Variants in HS6ST2 observed in about 807,000 individuals in gnomAD.
HS6ST2 encodes the protein heparan-sulfate 6-O-sulfotransferase 2.
Under a neutral mutation model 33.0 loss-of-function variants are expected in HS6ST2, and 17 were observed. The ratio of observed to expected loss-of-function variants is 0.52; its 90% confidence interval spans 0.35 to 0.77. The LOEUF (loss-of-function observed/expected upper bound fraction) is 0.77, where lower values mean the gene tolerates loss of function less well. Ranked by LOEUF, HS6ST2 falls within the 30% of genes least tolerant of loss-of-function variation. The pLI is 0.01. For missense variants in HS6ST2, 519 were observed against 551.7 expected (o/e 0.94, Z 0.59); for synonymous variants, 248 against 237.1 (o/e 1.05, Z -0.42).
chrX:132,812,446 A>AT lies in HS6ST2; in HGVS notation c.948-103953_948-103952insA, dbSNP rs1556452678. Among the ~76,000 whole-genome samples the AT allele has an allele frequency of 1.0e-4, 8 of 77,952 alleles. No individual in the cohort carries two copies. The East Asian group carries it at 1.3e-3, about 12-fold the overall frequency. 67.7% of individuals were successfully genotyped at this position (77,952 alleles called of 115,157 possible). A position where few individuals can be genotyped will look rare whatever the true frequency, so the allele number is the denominator to read the frequency against. On this transcript the variant is annotated intron_variant, in intron 2 of 4. Transcript: ENST00000370833. ...AATAATAATAATAATAATAATAATAAAATAATAATAATAATGGCCATCCTA... is the reference window on the plus strand; with the variant it reads ...AATAATAATAATAATAATAATAATAATAATAATAATAATAATGGCCATCCTA...
At chrX:132,783,897 C>T (rs1344496403) in intron 2 of HS6ST2, among the ~76,000 whole-genome samples, 2 of 111,652 alleles carry the variant, frequency 1.8e-5, no homozygotes, top group Non-Finnish European at 3.8e-5. Context: ...GTAATGAAGG[C>T]AAGCAATTCT....
At chrX:132,891,380 A>T (rs866143003) in intron 2 of HS6ST2, among the ~76,000 whole-genome samples, 7 of 99,335 alleles carry the variant, frequency 7.0e-5, no homozygotes, top group Admixed American at 4.3e-4. Context: ...AGTTTTTTTT[A>T]TTTTTTTTTT....
intron 3 of HS6ST2, among the ~76,000 whole-genome samples, chrX:132,683,046 C>A (rs1161516730): frequency 9.0e-6 from 1 of 111,051 alleles, no homozygotes; most frequent in African/African-American, 3.3e-5. Flanking sequence ...CCAGGTAGGT[C>A]AAGGCTGCAG....
At chrX:132,714,705 T>G (rs1234919058) in intron 2 of HS6ST2, among the ~76,000 whole-genome samples, 1 of 110,997 alleles carries the variant, frequency 9.0e-6, no homozygotes, top group Non-Finnish European at 1.9e-5. Flanking sequence ...AGCAGAGACT[T>G]AAACAAAAAC....
intron 2 of HS6ST2, among the ~76,000 whole-genome samples, chrX:132,713,083 C>G (rs565580974): frequency 9.0e-6 from 1 of 110,726 alleles, no homozygotes; most frequent in Non-Finnish European, 1.9e-5. Flanking sequence ...AAGTATAATG[C>G]CTACACTGGT....
chrX:132,884,111 A>C (rs1295184512), intron 2 of HS6ST2, among the ~76,000 whole-genome samples: 3 of 111,408 alleles, frequency 2.7e-5, no homozygotes, highest in African/African-American at 9.8e-5. Context: ...GGAAGTACGA[A>C]GGAGAATTGC....
chrX:132,759,622 C>T (rs759818009), intron 2 of HS6ST2, among the ~76,000 whole-genome samples: 1 of 111,195 alleles, frequency 9.0e-6, no homozygotes, highest in African/African-American at 3.3e-5. Context: ...TCACTAAATG[C>T]CACTGAATAG....
rs188928767 is a variant in HS6ST2, at chrX:132,920,620, C to T, written c.947+36188G>A. ...ATTTAAAAGAAAAAAAACAGTGAGG[C>T]ATCTTATCTGCCAGAGACTCTGAAA... On this transcript the variant is annotated intron_variant, in intron 2 of 4. Transcript: ENST00000370833. 1.2e-4 allele frequency among the ~76,000 whole-genome samples: 13 copies of T among 112,553 alleles called. No homozygotes were observed. In the East Asian group the frequency reaches 3.6e-3, roughly 32 times the overall value.
chrX:132,671,137 C>T (rs777680529), intron 3 of HS6ST2, among the ~76,000 whole-genome samples: 2 of 112,624 alleles, frequency 1.8e-5, no homozygotes, highest in Non-Finnish European at 3.8e-5. Context: ...GACCTGAGAC[C>T]AGGGACCATC....
intron 2 of HS6ST2, among the ~76,000 whole-genome samples, chrX:132,803,521 GC>G: frequency 8.9e-6 from 1 of 111,770 alleles, no homozygotes; most frequent in East Asian, 2.8e-4. Flanking sequence ...CGATTCTCGT[GC>G]CTTAGCCTCC....
rs370754933 is a variant in HS6ST2 at position 132,708,448 on chromosome X, A to G, written c.980+14T>C. On this transcript the variant is annotated intron_variant, in intron 3 of 4. Transcript: ENST00000370833. Reference sequence around the variant, plus strand: ...ACTTGGGTTCAGTCAAACTAAAAATACATTGTTACTTACCTTGCTGCATCT... The same window carrying G: ...ACTTGGGTTCAGTCAAACTAAAAATGCATTGTTACTTACCTTGCTGCATCT... The G allele has an allele frequency of 1.7e-5, 20 of 1,150,372 alleles. No homozygotes were observed. The African/African-American group carries it at 3.1e-4, about 18-fold the overall frequency. 94.8% of individuals were successfully genotyped at this position (1,150,372 alleles called of 1,213,427 possible).
chrX:132,836,736 T>C (rs1304413254), intron 2 of HS6ST2, among the ~76,000 whole-genome samples: 1 of 112,740 alleles, frequency 8.9e-6, no homozygotes, highest in Non-Finnish European at 1.9e-5. Flanking sequence ...GCATACTACA[T>C]GGCAGATTCT....
chrX:132,825,196 C>A (rs2065505454), intron 2 of HS6ST2, among the ~76,000 whole-genome samples: 1 of 111,279 alleles, frequency 9.0e-6, no homozygotes, highest in African/African-American at 3.3e-5. Context: ...GGGCCTTGAA[C>A]TAAAAGGTCT....
chrX:132,629,164 C>T, intron 4 of HS6ST2, 71 bp from the exon 5 acceptor site: 6 of 1,074,599 alleles, frequency 5.6e-6, no homozygotes, highest in Non-Finnish European at 5.0e-6. Flanking sequence ...AGGTACATGG[C>T]ATATGTGGTG....
At chrX:132,635,647 T>C (rs1351793698) in intron 4 of HS6ST2, among the ~76,000 whole-genome samples, 3 of 110,719 alleles carry the variant, frequency 2.7e-5, no homozygotes, top group Non-Finnish European at 5.7e-5. Context: ...TGGGGATATT[T>C]TGGTTGTAAT....
intron 2 of HS6ST2, among the ~76,000 whole-genome samples, chrX:132,796,842 C>T (rs2065184927): frequency 8.9e-6 from 1 of 112,437 alleles, no homozygotes; most frequent in Admixed American, 9.4e-5. Context: ...GCCAATTACC[C>T]CCTATTTCAT....
chrX:132,805,247 T>C (rs2065270425), intron 2 of HS6ST2, among the ~76,000 whole-genome samples: 1 of 111,887 alleles, frequency 8.9e-6, no homozygotes, highest in Non-Finnish European at 1.9e-5. Flanking sequence ...TGTGGTCTTC[T>C]GGTGGTACGC....
At chrX:132,910,608 G>C (rs980279624) in intron 2 of HS6ST2, among the ~76,000 whole-genome samples, 2 of 111,918 alleles carry the variant, frequency 1.8e-5, no homozygotes, top group Admixed American at 1.9e-4. Context: ...AATTGTATTA[G>C]AAAGAAGAAT....
chrX:132,934,883 A>T (rs745334490), intron 2 of HS6ST2, among the ~76,000 whole-genome samples: 1 of 111,627 alleles, frequency 9.0e-6, no homozygotes, highest in African/African-American at 3.2e-5. Context: ...AACACACATT[A>T]TAGATAGAAA....
Sources: gnomAD v4.1 joint callset for allele counts (sites outside exome capture counted in the v4.1 genomes callset) on GRCh38, gnomAD v4.1.1 for gene constraint, MANE v1.5 for transcripts, NCBI Gene and HGNC (gene_info 2026-07-23, HGNC 2026-07-21) for gene names.